Variants in CEP43 observed in about 807,000 individuals in gnomAD.
CEP43 encodes FGFR1 oncogene partner.
A neutral mutation model predicts 52.6 loss-of-function variants in CEP43; 36 were observed. That is an observed-to-expected ratio of 0.68 (90% confidence interval 0.52 to 0.90). The LOEUF (loss-of-function observed/expected upper bound fraction) is 0.90, where lower values mean the gene tolerates loss of function less well. CEP43 is among the 40% of genes least tolerant of loss of function. The pLI, the probability that CEP43 is intolerant of heterozygous loss-of-function variation, is 0.00. For missense variants in CEP43, 506 were observed against 472.8 expected (o/e 1.07, Z -0.65); for synonymous variants, 192 against 172.4 (o/e 1.11, Z -0.89).
intron 6 of CEP43, among the ~76,000 whole-genome samples, chr6:167,012,377 T>C (rs1183163407): frequency 6.6e-6 from 1 of 152,088 alleles, no homozygotes; most frequent in East Asian, 1.9e-4. Flanking sequence ...ATTTTTTTTT[T>C]CCTAAATACT....
intron 7 of CEP43, among the ~76,000 whole-genome samples, chr6:167,019,296 C>G (rs1379109895): frequency 6.9e-6 from 1 of 145,438 alleles, no homozygotes; most frequent in Non-Finnish European, 1.5e-5. Flanking sequence ...CTGCTGTGCA[C>G]ACGCGTACAC....
At chr6:167,021,719 C>T (rs1364186860) in intron 7 of CEP43, among the ~76,000 whole-genome samples, 1 of 152,084 alleles carries the variant, frequency 6.6e-6, no homozygotes, top group South Asian at 2.1e-4. Flanking sequence ...GAGAAATACA[C>T]ACACACACAC....
chr6:167,014,719 CAAG>C (rs1780056406), intron 7 of CEP43, among the ~76,000 whole-genome samples: 2 of 152,120 alleles, frequency 1.3e-5, no homozygotes, highest in East Asian at 1.9e-4. Context: ...CGTTATTAAA[CAAG>C]AAGTTGCTTT....
intron 12 of CEP43, among the ~76,000 whole-genome samples, chr6:167,034,466 C>T (rs1198965344): frequency 6.6e-6 from 1 of 152,186 alleles, no homozygotes; most frequent in East Asian, 1.9e-4. Context: ...CCAAACTTTA[C>T]CTTTTTATGT....
Position 167,004,140 on chromosome 6 carries a change from A to G in CEP43, c.301-124A>G, listed in dbSNP as rs1779799362. ...CATAATTTTTTAAAATAGACATTTC[A>G]TTCATTAGTAAGACAGTCTCTTTGA... On this transcript the variant is annotated intron_variant, in intron 4 of 12. Transcript: ENST00000366847. 2.3e-5 allele frequency: 24 copies of G among 1,048,582 alleles called. No homozygotes were observed. The South Asian group carries it at 3.5e-4, about 15-fold the overall frequency. 65.0% of individuals were successfully genotyped at this position (1,048,582 alleles called of 1,614,324 possible).
intron 5 of CEP43, among the ~76,000 whole-genome samples, chr6:167,009,082 C>T (rs1003198438): frequency 6.6e-6 from 1 of 151,566 alleles, no homozygotes; most frequent in Non-Finnish European, 1.5e-5. Context: ...TAGTGAAACC[C>T]CGTCTCTATT....
chr6:167,049,473 TTTTA>T lies in CEP43; in HGVS notation c.*9497_*9500del, dbSNP rs1250298043. On this transcript the variant is annotated 3_prime_UTR_variant, in exon 13 of 13. Transcript: ENST00000366847. ...AAACGGAATTATACACTATGTGGCC[TTTTA>T]TGACTGGCTTCTTTCACTTAGCATA... 1 of 152,268 alleles carries T rather than the reference TTTTA, an allele frequency of 6.6e-6. No homozygotes were observed. The highest frequency in any genetic ancestry group is 1.5e-5 in the Non-Finnish European group (1 of 68,050). 9.4% of individuals were successfully genotyped at this position (152,268 alleles called of 1,614,324 possible). A position where few individuals can be genotyped will look rare whatever the true frequency, so the allele number is the denominator to read the frequency against.
chr6:167,020,390 A>G (rs1780198922), intron 7 of CEP43, among the ~76,000 whole-genome samples: 1 of 152,246 alleles, frequency 6.6e-6, no homozygotes, highest in Non-Finnish European at 1.5e-5. Context: ...TAAGACATGC[A>G]TAATGCATTC....
At chr6:167,032,508 C>T in intron 10 of CEP43, 95 bp from the exon 11 acceptor site, 1 of 1,121,008 alleles carries the variant, frequency 8.9e-7, no homozygotes, top group Admixed American at 2.6e-5. Context: ...TTAAATGATG[C>T]AATATAATTA....
intron 3 of CEP43, 83 bp downstream of exon 3, chr6:167,003,330 G>T: frequency 4.0e-6 from 3 of 750,344 alleles, no homozygotes; most frequent in South Asian, 4.0e-5. Context: ...GGAATTTCAG[G>T]GCTTTTTTTT....
chr6:167,019,631 C>T (rs753007789), intron 7 of CEP43, among the ~76,000 whole-genome samples: 10 of 152,166 alleles, frequency 6.6e-5, no homozygotes, highest in Non-Finnish European at 1.5e-4. Context: ...ATTAAGAGAA[C>T]TATATTTTTA....
rs371492120 is a variant in CEP43 at position 167,032,656 on chromosome 6, T to G, written c.1028+14T>G. 50 of 1,562,670 alleles carry G rather than the reference T, an allele frequency of 3.2e-5. No individual in the cohort carries two copies. The highest frequency in any genetic ancestry group is 3.4e-4 in the Middle Eastern group (2 of 5,924). On this transcript the variant is annotated intron_variant, in intron 11 of 12. Coordinates refer to ENST00000366847, the MANE Select transcript of CEP43 (RefSeq NM_007045.4). Reference sequence around the variant, plus strand: ...TGATTTTAATAGGTAAGAAAAACTATTGGGCAAATATATAAATATATACGT... The same window carrying G: ...TGATTTTAATAGGTAAGAAAAACTAGTGGGCAAATATATAAATATATACGT...
intron 5 of CEP43, among the ~76,000 whole-genome samples, chr6:167,009,119 C>T (rs1472169389): frequency 1.1e-4 from 5 of 46,570 alleles, no homozygotes; most frequent in Non-Finnish European, 2.1e-4. Context: ...ATGTTGGGCG[C>T]GGTGGCTCAT....
chr6:167,015,100 G>A (rs754938013), intron 7 of CEP43, among the ~76,000 whole-genome samples: 3 of 152,176 alleles, frequency 2.0e-5, no homozygotes, highest in African/African-American at 7.2e-5. Context: ...TTTAGCTTTC[G>A]CGGTACTTTG....
At position 167,043,471 on chromosome 6, in the gene CEP43, T is replaced by C. The variant is rs2114856003; in HGVS notation, c.*3493T>C. Reference sequence around the variant, plus strand: ...CCTCGGCTCACTGCAACCCCTGCCTTCTGGGTTCAAGTGATTCTCCTGCCT... The same window carrying C: ...CCTCGGCTCACTGCAACCCCTGCCTCCTGGGTTCAAGTGATTCTCCTGCCT... On this transcript the variant is annotated 3_prime_UTR_variant, in exon 13 of 13. Transcript: ENST00000366847. The C allele has an allele frequency of 6.6e-6, 1 of 150,994 alleles. No individual in the cohort carries two copies. The highest frequency in any genetic ancestry group is 1.5e-5 in the Non-Finnish European group (1 of 67,912). 9.4% of individuals were successfully genotyped at this position (150,994 alleles called of 1,614,324 possible). A position where few individuals can be genotyped will look rare whatever the true frequency, so the allele number is the denominator to read the frequency against.
At position 167,044,253 on chromosome 6, in the gene CEP43, A is replaced by C; in HGVS notation, c.*4275A>C. 4.4e-6 allele frequency: 1 copy of C among 226,270 alleles called. No individual in the cohort carries two copies. 14.0% of individuals were successfully genotyped at this position (226,270 alleles called of 1,614,324 possible). On this transcript the variant is annotated 3_prime_UTR_variant, in exon 13 of 13. Transcript: ENST00000366847. ...CTCCGAGATTTGAGGTAACATTTGA[A>C]TCTAAAAGAGGCTATATGAAAGAGG...
At chr6:167,005,244 G>C (rs529436402) in intron 5 of CEP43, among the ~76,000 whole-genome samples, 1 of 152,250 alleles carries the variant, frequency 6.6e-6, no homozygotes, top group East Asian at 1.9e-4. Flanking sequence ...TATGTGTAAG[G>C]CATGGTAAAT....
At position 167,027,077 on chromosome 6, in the gene CEP43, C is replaced by G. The variant is rs142494266; in HGVS notation, c.988+462C>G. On this transcript the variant is annotated intron_variant, in intron 10 of 12. Transcript: ENST00000366847. ...GAGAAAAATTTGGGCAGAGGCAGAG[C>G]CATTTGCTAGATGCTGGTAGTACAT... Among the ~76,000 whole-genome samples the G allele has an allele frequency of 9.9e-5, 15 of 152,236 alleles. No individual in the cohort carries two copies. The East Asian group carries it at 2.9e-3, about 29-fold the overall frequency.
intron 9 of CEP43, among the ~76,000 whole-genome samples, chr6:167,026,235 T>C (rs1780352768): frequency 6.6e-6 from 1 of 152,142 alleles, no homozygotes; most frequent in Admixed American, 6.5e-5. Context: ...TGGTAGCACA[T>C]GCCTGTAGTC....
Sources: allele counts gnomAD v4.1 joint callset (sites outside exome capture counted in the v4.1 genomes callset), GRCh38; gene constraint gnomAD v4.1.1; transcripts MANE v1.5; gene names NCBI Gene and HGNC (gene_info 2026-07-23, HGNC 2026-07-21).